TP63: variants seen among roughly 807,000 people sequenced by gnomAD.
TP63 encodes the protein tumor protein p63.
A neutral mutation model predicts 82.8 loss-of-function variants in TP63; 17 were observed. The observed-to-expected ratio is 0.21, with a 90% CI of 0.14 to 0.31. The LOEUF is 0.31. TP63 is among the 10% of genes least tolerant of loss of function. The probability of loss-of-function intolerance (pLI) is 1.00; values close to 1 mark genes in which losing one functional copy is unlikely to be tolerated. For synonymous variants in TP63, 330 were observed against 321.7 expected (o/e 1.03, Z -0.28); for missense variants, 648 against 895.3 (o/e 0.72, Z 3.52).
intron 1 of TP63, among the ~76,000 whole-genome samples, chr3:189,688,682 C>T (rs1716643471): frequency 6.6e-6 from 1 of 152,138 alleles, no homozygotes. Flanking sequence ...AACCTGATAT[C>T]CACTGTGACA....
At chr3:189,714,449 C>T (rs1330116740) in intron 1 of TP63, among the ~76,000 whole-genome samples, 2 of 152,098 alleles carry the variant, frequency 1.3e-5, no homozygotes, top group African/African-American at 4.8e-5. Flanking sequence ...GGACAAGTAC[C>T]GAAAAACAAA....
intron 1 of TP63, among the ~76,000 whole-genome samples, chr3:189,669,323 T>A: frequency 6.7e-6 from 1 of 149,786 alleles, no homozygotes; most frequent in Non-Finnish European, 1.5e-5. Flanking sequence ...GTAAACAAAC[T>A]GAGGATAATT....
intron 4 of TP63, among the ~76,000 whole-genome samples, chr3:189,855,801 T>G (rs1448672599): frequency 1.3e-5 from 2 of 152,096 alleles, no homozygotes; most frequent in African/African-American, 2.4e-5. Context: ...AGAAATCATT[T>G]TTTTCCAGAA....
intron 1 of TP63, among the ~76,000 whole-genome samples, chr3:189,736,101 A>G (rs1476255637): frequency 6.7e-6 from 1 of 148,964 alleles, no homozygotes; most frequent in Non-Finnish European, 1.5e-5. Context: ...TAAAATATAC[A>G]TATCATTTAT....
intron 1 of TP63, among the ~76,000 whole-genome samples, chr3:189,707,034 A>G (rs1372743494): frequency 1.3e-5 from 2 of 151,982 alleles, no homozygotes; most frequent in African/African-American, 4.9e-5. Flanking sequence ...TTAGCAGTGT[A>G]TATACAGATG....
At chr3:189,892,912 A>G (rs79624403) in intron 13 of TP63, among the ~76,000 whole-genome samples, 206 of 152,330 alleles carry the variant, frequency 1.4e-3, no homozygotes, top group Non-Finnish European at 2.2e-3. Context: ...CACCATAGGA[A>G]AATATGACAC....
At position 189,866,806 on chromosome 3, in the gene TP63, CA is replaced by C. The variant is rs1398828604; in HGVS notation, c.882+15del. The C allele has an allele frequency of 9.9e-6, 16 of 1,612,710 alleles. No individual in the cohort carries two copies. Among genetic ancestry groups the C allele is most frequent in the Non-Finnish European group, 1.4e-5 (16 of 1,179,014 alleles). The stretch of plus-strand genomic sequence containing the variant: ...CTTATGAGCCACCCCAGGTAAAAAG[CA>C]AAAAACCAAACCAAAAAACAACACC... On this transcript the variant is annotated intron_variant, in intron 6 of 13. Transcript: ENST00000264731.
intron 3 of TP63, among the ~76,000 whole-genome samples, chr3:189,761,975 T>C (rs1482511309): frequency 6.6e-6 from 1 of 152,074 alleles, no homozygotes; most frequent in Non-Finnish European, 1.5e-5. Flanking sequence ...AAAGACCTGC[T>C]CCCATGATTT....
chr3:189,783,180 A>G (rs1724357052), intron 3 of TP63, among the ~76,000 whole-genome samples: 1 of 151,946 alleles, frequency 6.6e-6, no homozygotes. Context: ...TAATTTTAAA[A>G]TTTAACATAA....
chr3:189,785,603 C>G (rs1348161291), intron 3 of TP63, among the ~76,000 whole-genome samples: 1 of 151,964 alleles, frequency 6.6e-6, no homozygotes, highest in Admixed American at 6.6e-5. Flanking sequence ...GCATTCTAAA[C>G]TGAGGGACCG....
the TP63 span, among the ~76,000 whole-genome samples, chr3:189,602,695 G>T: frequency 6.6e-6 from 1 of 152,154 alleles, no homozygotes; most frequent in African/African-American, 2.4e-5. Flanking sequence ...TGCAGGGAAT[G>T]GTTGTTGCAT....
intron 13 of TP63, among the ~76,000 whole-genome samples, chr3:189,891,674 G>A (rs764033408): frequency 2.1e-4 from 32 of 152,156 alleles, no homozygotes; most frequent in Admixed American, 6.5e-4. Context: ...CAAGCTGGGC[G>A]AGAGGGGACT....
chr3:189,880,697 T>C, intron 10 of TP63: 2 of 985,460 alleles, frequency 2.0e-6, no homozygotes, highest in Non-Finnish European at 2.4e-6. Context: ...GTAATAATAT[T>C]GCAAGTAGTA....
intron 1 of TP63, among the ~76,000 whole-genome samples, chr3:189,632,118 C>T (rs1729496680): frequency 6.6e-6 from 1 of 151,792 alleles, no homozygotes; most frequent in African/African-American, 2.4e-5. Flanking sequence ...TATTTAGAAA[C>T]ATTTGCCTAG....
At chr3:189,709,992 A>G (rs1420513750) in intron 1 of TP63, among the ~76,000 whole-genome samples, 1 of 152,220 alleles carries the variant, frequency 6.6e-6, no homozygotes, top group Admixed American at 6.5e-5. Context: ...AAGACACTGT[A>G]ACCATATCAT....
chr3:189,661,249 G>A (rs555294491), intron 1 of TP63, among the ~76,000 whole-genome samples: 20 of 152,018 alleles, frequency 1.3e-4, no homozygotes, highest in African/African-American at 4.8e-4. Flanking sequence ...ATATTCCTTT[G>A]ATGCCTAGTT....
intron 3 of TP63, among the ~76,000 whole-genome samples, chr3:189,760,177 A>G (rs977209447): frequency 4.7e-4 from 71 of 152,154 alleles, no homozygotes; most frequent in African/African-American, 1.5e-3. Context: ...CTCAAATCTC[A>G]TATCTTCACA....
intron 4 of TP63, among the ~76,000 whole-genome samples, chr3:189,844,771 G>A (rs1039182373): frequency 6.6e-6 from 1 of 152,084 alleles, no homozygotes; most frequent in Admixed American, 6.6e-5. Flanking sequence ...AGCGCTAAGG[G>A]TCTTTTTACA....
chr3:189,815,456 T>C (rs79042605), intron 4 of TP63, among the ~76,000 whole-genome samples: 6,869 of 152,144 alleles, frequency 0.045, 518 homozygotes, highest in African/African-American at 0.16. Context: ...TGCTTTACAA[T>C]CCCAGACTGT....
Sources: gnomAD v4.1 joint callset for allele counts (sites outside exome capture counted in the v4.1 genomes callset) on GRCh38, gnomAD v4.1.1 for gene constraint, MANE v1.5 for transcripts, NCBI Gene and HGNC (gene_info 2026-07-23, HGNC 2026-07-21) for gene names.